Variants in MIPOL1 observed in about 807,000 individuals in gnomAD.
MIPOL1 encodes the protein mirror-image polydactyly 1.
Under a neutral mutation model 60.9 loss-of-function variants are expected in MIPOL1, and 57 were observed. That is an observed-to-expected ratio of 0.94 (90% CI 0.76 to 1.17). The LOEUF (loss-of-function observed/expected upper bound fraction) is 1.17, where lower values mean the gene tolerates loss of function less well. MIPOL1 is among the 50% of genes most tolerant of loss of function. The pLI, the probability that MIPOL1 is intolerant of heterozygous loss-of-function variation, is 0.00. For missense variants in MIPOL1, 551 were observed against 511.6 expected (o/e 1.08, Z -0.74); for synonymous variants, 179 against 168.8 (o/e 1.06, Z -0.47).
intron 11 of MIPOL1, among the ~76,000 whole-genome samples, chr14:37,494,060 G>A (rs572596527): frequency 1.3e-5 from 2 of 152,256 alleles, no homozygotes; most frequent in Admixed American, 1.3e-4. Flanking sequence ...TTCTGAGGAA[G>A]AAGTACTAAA....
At chr14:37,408,254 T>C (rs185606079) in intron 10 of MIPOL1, among the ~76,000 whole-genome samples, 5 of 152,292 alleles carry the variant, frequency 3.3e-5, no homozygotes, top group African/African-American at 1.2e-4. Context: ...TTACTTTTCA[T>C]ATATTTTTAT....
intron 7 of MIPOL1, among the ~76,000 whole-genome samples, chr14:37,291,303 C>T (rs987834987): frequency 6.6e-6 from 1 of 152,118 alleles, no homozygotes; most frequent in African/African-American, 2.4e-5. Context: ...CATTTTTGTC[C>T]TTACGTGTTA....
chr14:37,518,073 A>G (rs2095383910), intron 12 of MIPOL1, among the ~76,000 whole-genome samples: 2 of 152,238 alleles, frequency 1.3e-5, no homozygotes, highest in African/African-American at 2.4e-5. Flanking sequence ...GTATCTTTTG[A>G]TCATCATACT....
At chr14:37,542,129 C>T (rs2095532082) in intron 12 of MIPOL1, among the ~76,000 whole-genome samples, 1 of 152,152 alleles carries the variant, frequency 6.6e-6, no homozygotes, top group African/African-American at 2.4e-5. Flanking sequence ...TTATCACTTC[C>T]TGCCAAATCA....
chr14:37,269,333 G>A (rs962842177), intron 5 of MIPOL1, among the ~76,000 whole-genome samples: 7 of 151,702 alleles, frequency 4.6e-5, no homozygotes, highest in Non-Finnish European at 7.4e-5. Context: ...TCTAGTTATA[G>A]TCATGTGATC....
chr14:37,254,172 G>A (rs1411145313), intron 3 of MIPOL1, among the ~76,000 whole-genome samples: 1 of 151,570 alleles, frequency 6.6e-6, no homozygotes, highest in Non-Finnish European at 1.5e-5. Context: ...AATGATTGAG[G>A]TTATAGTCTT....
intron 10 of MIPOL1, among the ~76,000 whole-genome samples, chr14:37,381,474 G>T (rs377557445): frequency 6.6e-6 from 1 of 151,954 alleles, no homozygotes; most frequent in Non-Finnish European, 1.5e-5. Flanking sequence ...CAGAGGTCAG[G>T]TTAGGTAATA....
intron 11 of MIPOL1, among the ~76,000 whole-genome samples, chr14:37,479,850 G>A (rs2153597731): frequency 6.6e-6 from 1 of 152,038 alleles, no homozygotes; most frequent in African/African-American, 2.4e-5. Context: ...AAATGAAAGA[G>A]GAGACCGTAC....
At position 37,247,837 on chromosome 14, in the gene MIPOL1, C is replaced by T. The variant is rs1973419551; in HGVS notation, c.-52C>T. 1 of 1,604,746 alleles carries T rather than the reference C, an allele frequency of 6.2e-7. No individual in the cohort carries two copies. The highest frequency in any genetic ancestry group is 2.2e-5 in the East Asian group (1 of 44,596). ...AGTTGGCTTTATTTTAGCTGCAAAT[C>T]TTGGAGCAAAAACCAGAGACATTGC... On this transcript the variant is annotated 5_prime_UTR_variant, in exon 3 of 13. Transcript: ENST00000684589.
intron 10 of MIPOL1, among the ~76,000 whole-genome samples, chr14:37,402,139 A>C (rs530903097): frequency 6.6e-6 from 1 of 152,118 alleles, no homozygotes; most frequent in Non-Finnish European, 1.5e-5. Context: ...GTAAAGCTAA[A>C]TATCTTTCTG....
chr14:37,406,152 A>G (rs2093583796), intron 10 of MIPOL1, among the ~76,000 whole-genome samples: 1 of 152,126 alleles, frequency 6.6e-6, no homozygotes, highest in South Asian at 2.1e-4. Flanking sequence ...AGCTAAAATG[A>G]TAGACAAGTT....
rs1366896534 is a variant in MIPOL1, at chr14:37,549,778, T to C, written c.*2807T>C. The C allele has an allele frequency of 3.3e-5, 5 of 152,010 alleles. No individual in the cohort carries two copies. The highest frequency in any genetic ancestry group is 1.2e-4 in the African/African-American group (5 of 41,456). The allele number at this position is 152,010 out of a possible 1,614,324, so 9.4% of individuals were successfully genotyped here. A position where few individuals can be genotyped will look rare whatever the true frequency, so the allele number is the denominator to read the frequency against. The stretch of plus-strand genomic sequence containing the variant: ...TTATTACCACCTCTCTATGGTATTA[T>C]AGTGGCAGTATGCTTTGCCTCAGCC... On this transcript the variant is annotated 3_prime_UTR_variant, in exon 13 of 13. Transcript: ENST00000684589.
At chr14:37,406,020 A>G (rs2093581414) in intron 10 of MIPOL1, among the ~76,000 whole-genome samples, 1 of 151,948 alleles carries the variant, frequency 6.6e-6, no homozygotes. Context: ...GTTTGTATTA[A>G]TTAAAGATAA....
intron 6 of MIPOL1, among the ~76,000 whole-genome samples, chr14:37,283,352 C>T (rs1257106442): frequency 2.0e-5 from 3 of 152,110 alleles, no homozygotes; most frequent in Non-Finnish European, 2.9e-5. Context: ...CAGGTGTGAG[C>T]CACCACGCCT....
At chr14:37,471,013 T>A (rs1474028391) in intron 11 of MIPOL1, among the ~76,000 whole-genome samples, 1 of 152,114 alleles carries the variant, frequency 6.6e-6, no homozygotes. Flanking sequence ...GTTTCGGTAA[T>A]GGGTATACTA....
At chr14:37,397,812 C>A (rs552159050) in intron 10 of MIPOL1, among the ~76,000 whole-genome samples, 48 of 152,268 alleles carry the variant, frequency 3.2e-4, no homozygotes, top group African/African-American at 1.1e-3. Context: ...GCCGGTCTCA[C>A]TCCCGCTGTG....
intron 9 of MIPOL1, among the ~76,000 whole-genome samples, chr14:37,342,890 TAA>T (rs1221037087): frequency 2.0e-5 from 3 of 147,378 alleles, no homozygotes; most frequent in African/African-American, 7.5e-5. Flanking sequence ...CTTTTATGGA[TAA>T]TTTAATAGTT....
chr14:37,322,013 A>G (rs1312930538), intron 9 of MIPOL1, among the ~76,000 whole-genome samples: 1 of 151,922 alleles, frequency 6.6e-6, no homozygotes, highest in South Asian at 2.1e-4. Flanking sequence ...CTATTATTAT[A>G]TTTTGCTAAA....
intron 1 of MIPOL1, among the ~76,000 whole-genome samples, chr14:37,227,358 G>A (rs952451685): frequency 1.3e-5 from 2 of 152,084 alleles, no homozygotes; most frequent in Admixed American, 1.3e-4. Flanking sequence ...ATTTTTTTAA[G>A]TGTAGTTAAT....
Sources: gnomAD v4.1 joint callset for allele counts (sites outside exome capture counted in the v4.1 genomes callset) on GRCh38, gnomAD v4.1.1 for gene constraint, MANE v1.5 for transcripts, NCBI Gene and HGNC (gene_info 2026-07-23, HGNC 2026-07-21) for gene names.